The following ATP11A variants were observed in gnomAD, a reference collection of about 807,000 sequenced individuals.
ATP11A encodes the protein ATPase phospholipid transporting 11A.
ATP11A carries 81 observed loss-of-function variants against 154.4 expected under a neutral mutation model. The ratio of observed to expected loss-of-function variants is 0.52; its 90% CI spans 0.44 to 0.63. The LOEUF is 0.63. ATP11A is among the 30% of genes least tolerant of loss of function. The pLI is 0.00. For missense variants in ATP11A, 1,316 were observed against 1,474.3 expected (o/e 0.89, Z 1.76); for synonymous variants, 623 against 585.9 (o/e 1.06, Z -0.91).
rs2080904442 is a variant in ATP11A at position 112,882,261 on chromosome 13, G to GCC, written c.*396_*397insCC. 1.8e-6 allele frequency: 1 copy of GCC among 565,622 alleles called. No individual in the cohort carries two copies. Among genetic ancestry groups the GCC allele is most frequent in the African/African-American group, 2.0e-5 (1 of 50,778 alleles). The allele number at this position is 565,622 out of a possible 1,614,324, so 35.0% of individuals were successfully genotyped here. ...GGGACATTCTGCTGGCCCACCCTGC[G>GCC]CGCTGTCATGCAGAGGCCATTCCCC... On this transcript the variant is annotated 3_prime_UTR_variant, in exon 30 of 30. Coordinates refer to ENST00000375645, the MANE Select transcript of ATP11A (RefSeq NM_015205.3). This position sits in a 1 kb window ranked among gnomAD's most constrained non-coding sequence, Gnocchi z 5.1.
chr13:112,732,050 G>A (rs1386610249), intron 1 of ATP11A, among the ~76,000 whole-genome samples: 1 of 152,164 alleles, frequency 6.6e-6, no homozygotes, highest in Non-Finnish European at 1.5e-5. Flanking sequence ...CTGCACCTAC[G>A]GTGTTGTGCA....
chr13:112,880,517 G>T, intron 29 of ATP11A: 1 of 1,290,014 alleles, frequency 7.8e-7, no homozygotes. Flanking sequence ...TGTGGCCCAC[G>T]TCGCTCAGTA....
At chr13:112,788,048 G>A (rs1278474444) in intron 2 of ATP11A, among the ~76,000 whole-genome samples, 1 of 149,926 alleles carries the variant, frequency 6.7e-6, no homozygotes, top group African/African-American at 2.5e-5. Flanking sequence ...GTCCTGATGT[G>A]TAGACCCCTG....
chr13:112,826,330 A>G (rs1287554563), intron 11 of ATP11A, among the ~76,000 whole-genome samples: 1 of 152,238 alleles, frequency 6.6e-6, no homozygotes, highest in Non-Finnish European at 1.5e-5. Flanking sequence ...GTTGTTACCA[A>G]GTATGTTTTG....
At chr13:112,851,655 A>G (rs2079771000) in intron 18 of ATP11A, 2 of 153,958 alleles carry the variant, frequency 1.3e-5, no homozygotes, top group South Asian at 2.0e-4. Flanking sequence ...CTGAGTAGCT[A>G]GAACTTCAAG....
intron 1 of ATP11A, among the ~76,000 whole-genome samples, chr13:112,711,095 A>C (rs1246623557): frequency 1.3e-5 from 2 of 152,112 alleles, no homozygotes; most frequent in Non-Finnish European, 2.9e-5. Flanking sequence ...GGAAGGAGGC[A>C]GGATCCCAGG....
At chr13:112,808,619 C>T (rs760980621) in intron 4 of ATP11A, among the ~76,000 whole-genome samples, 19 of 152,144 alleles carry the variant, frequency 1.2e-4, no homozygotes, top group African/African-American at 9.7e-5. Context: ...CCCATGCTCC[C>T]GGCCCCTCCT....
At position 112,878,202 on chromosome 13, in the gene ATP11A, G is replaced by T. The variant is rs1408433273; in HGVS notation, c.3328-15G>T. 1 of 1,613,674 alleles carries T rather than the reference G, an allele frequency of 6.2e-7. No homozygotes were observed. Among genetic ancestry groups the T allele is most frequent in the Non-Finnish European group, 8.5e-7 (1 of 1,179,666 alleles). On this transcript the variant is annotated splice_polypyrimidine_tract_variant and intron_variant, in intron 28 of 29. Transcript: ENST00000375645. ...ACACACCCCTGTGTGCGTGGCCGCTGACCTCGGGACTAAGACTAAGAGCCA... is the reference window on the plus strand; with the variant it reads ...ACACACCCCTGTGTGCGTGGCCGCTTACCTCGGGACTAAGACTAAGAGCCA...
intron 9 of ATP11A, 76 bp from the exon 10 acceptor site, chr13:112,824,268 C>G (rs539635154): frequency 8.8e-7 from 1 of 1,140,358 alleles, no homozygotes; most frequent in Non-Finnish European, 1.3e-6. Context: ...TGATTTTCCC[C>G]GCAGCTGTGT....
chr13:112,876,965 T>C (rs1485909871), intron 28 of ATP11A, among the ~76,000 whole-genome samples: 3 of 152,338 alleles, frequency 2.0e-5, no homozygotes, highest in South Asian at 4.1e-4. Context: ...CTTGGGACAT[T>C]GGTGCCGATT....
At chr13:112,738,559 G>C (rs568694187) in intron 1 of ATP11A, among the ~76,000 whole-genome samples, 1 of 152,328 alleles carries the variant, frequency 6.6e-6, no homozygotes, top group Non-Finnish European at 1.5e-5. Flanking sequence ...CCGCAGATAA[G>C]CCGACTGGCT....
chr13:112,789,435 C>T (rs1343985261), intron 2 of ATP11A, among the ~76,000 whole-genome samples: 3 of 145,742 alleles, frequency 2.1e-5, no homozygotes, highest in African/African-American at 8.1e-5. Flanking sequence ...ACTTAATTCA[C>T]ACCGGTATCC....
At chr13:112,741,761 A>G (rs1005285121) in intron 1 of ATP11A, among the ~76,000 whole-genome samples, 1 of 152,002 alleles carries the variant, frequency 6.6e-6, no homozygotes, top group Non-Finnish European at 1.5e-5. Flanking sequence ...ACTGTTTTCC[A>G]TCTGCCTCTG....
At chr13:112,783,033 CT>C (rs1407885180) in intron 1 of ATP11A, among the ~76,000 whole-genome samples, 1 of 152,206 alleles carries the variant, frequency 6.6e-6, no homozygotes, top group Non-Finnish European at 1.5e-5. Context: ...TTTACTTAGA[CT>C]TTTCTGCAAA....
chr13:112,864,760 A>C (rs80332324), intron 25 of ATP11A, among the ~76,000 whole-genome samples: 1 of 26,250 alleles, frequency 3.8e-5, no homozygotes, highest in Non-Finnish European at 5.9e-5. Context: ...CACCACCTGC[A>C]CAGTAATTCA....
chr13:112,794,256 C>T (rs1467783604), intron 2 of ATP11A, among the ~76,000 whole-genome samples: 1 of 152,148 alleles, frequency 6.6e-6, no homozygotes, highest in Non-Finnish European at 1.5e-5. Flanking sequence ...CATTGTGTCC[C>T]CAGGCAAATA....
chr13:112,860,445 GC>G, intron 24 of ATP11A, 31 bp downstream of exon 24: 1 of 1,612,876 alleles, frequency 6.2e-7, no homozygotes, highest in Non-Finnish European at 8.5e-7. Context: ...TCTCCTGAGA[GC>G]AGAGAGAGTA....
chr13:112,708,477 A>G (rs1887398368), intron 1 of ATP11A, among the ~76,000 whole-genome samples: 1 of 152,262 alleles, frequency 6.6e-6, no homozygotes, highest in African/African-American at 2.4e-5. Context: ...AACCGCAAGT[A>G]TAGCATGAAA....
Position 112,743,860 on chromosome 13 carries a change from T to G in ATP11A, c.40-41275T>G, listed in dbSNP as rs1398653492. 2.0e-5 allele frequency among the ~76,000 whole-genome samples: 3 copies of G among 152,224 alleles called. No individual in the cohort carries two copies. In the South Asian group the frequency reaches 6.2e-4, roughly 32 times the overall value. On this transcript the variant is annotated intron_variant, in intron 1 of 29. Transcript: ENST00000375645. The stretch of plus-strand genomic sequence containing the variant: ...TAGGCCCATCCACCATCCAGAGGCT[T>G]CATTTTGAATTTGGGGAGTTTGCTA...
Sources: allele counts gnomAD v4.1 joint callset (sites outside exome capture counted in the v4.1 genomes callset), GRCh38; gene constraint gnomAD v4.1.1; non-coding constraint Gnocchi (gnomAD v3.1); transcripts MANE v1.5; gene names NCBI Gene and HGNC (gene_info 2026-07-23, HGNC 2026-07-21).